MGA: variants seen among roughly 807,000 people sequenced by gnomAD.
MGA encodes MAX gene-associated protein.
MGA carries 40 observed loss-of-function variants against 261.1 expected under a neutral mutation model. The ratio of observed to expected loss-of-function variants is 0.15; its 90% CI spans 0.12 to 0.20. MGA has a LOEUF of 0.20. Among genes scored for constraint, MGA ranks in the 10% least tolerant of loss-of-function variants. MGA has a pLI of 1.00. For missense variants in MGA, 3,397 were observed against 3,630.5 expected (o/e 0.94, Z 1.65); for synonymous variants, 1,302 against 1,290.6 (o/e 1.01, Z -0.19).
At chr15:41,753,014 A>G (rs559518003) in intron 17 of MGA, among the ~76,000 whole-genome samples, 12 of 152,322 alleles carry the variant, frequency 7.9e-5, no homozygotes, top group Non-Finnish European at 1.3e-4. Context: ...TCTCACACCT[A>G]CGTTACCTTT....
At chr15:41,644,526 C>T (rs1212437977) in intron 1 of MGA, among the ~76,000 whole-genome samples, 2 of 151,746 alleles carry the variant, frequency 1.3e-5, no homozygotes, top group African/African-American at 4.8e-5. Flanking sequence ...GCATGGTGAT[C>T]ACGCACCTGT....
intron 1 of MGA, among the ~76,000 whole-genome samples, chr15:41,629,495 A>C (rs2056540660): frequency 1.3e-5 from 2 of 152,118 alleles, no homozygotes; most frequent in South Asian, 4.1e-4. Flanking sequence ...TTGGGATGTC[A>C]TCGATACATT....
Position 41,660,526 on chromosome 15 carries a change from G to GT in MGA, c.-68+2dup, listed in dbSNP as rs2057319205. ...GGTGAGGCCGGCCACGCCCCGCACG[G>GT]TAACTCTCGGGCCTGGGTGGAGGGC... is the stretch of plus-strand genomic sequence containing the variant. On this transcript the variant is annotated splice_donor_variant, in intron 1 of 23. Transcript: ENST00000219905. LOFTEE classifies it low-confidence loss of function (5UTR_SPLICE). The GT allele has an allele frequency of 6.5e-6, 1 of 153,088 alleles. No individual in the cohort carries two copies. Among genetic ancestry groups the GT allele is most frequent in the Non-Finnish European group, 1.5e-5 (1 of 68,400 alleles). 9.5% of individuals were successfully genotyped at this position (153,088 alleles called of 1,614,324 possible).
At chr15:41,726,294 A>G (rs562576816) in intron 9 of MGA, among the ~76,000 whole-genome samples, 2 of 152,346 alleles carry the variant, frequency 1.3e-5, no homozygotes, top group East Asian at 3.9e-4. Flanking sequence ...TACCATGGGA[A>G]TGATACCTAC....
intron 1 of MGA, among the ~76,000 whole-genome samples, chr15:41,639,824 A>G (rs1384372001): frequency 2.0e-5 from 3 of 152,164 alleles, no homozygotes; most frequent in Non-Finnish European, 2.9e-5. Context: ...CTGGGATTAC[A>G]GGCGTGAGCC....
Position 41,749,435 on chromosome 15 carries a change from G to T in MGA, c.5828G>T (p.Ser1943Ile). 1 of 1,614,016 alleles carries T rather than the reference G, an allele frequency of 6.2e-7. No homozygotes were observed. Among genetic ancestry groups the T allele is most frequent in the Non-Finnish European group, 8.5e-7 (1 of 1,179,902 alleles). ...AGTCTTATTCCTCTCCAGTCTGGTA[G>T]TTTTGCCTTGTTACAGCTCCCAGGA... Residue 1943 changes from serine to isoleucine, a missense_variant, in exon 17 of 24, where the codon AGT becomes ATT. Ser to Ile is a moderately radical substitution (Grantham distance 142). Transcript: ENST00000219905.
At chr15:41,656,393 G>C (rs1168531734), upstream of MGA, among the ~76,000 whole-genome samples, 3 of 69,104 alleles carry the variant, frequency 4.3e-5, no homozygotes, top group Non-Finnish European at 1.1e-4. Flanking sequence ...CCAGGCTGGA[G>C]TGCAGTGGCA....
chr15:41,659,169 A>C (rs775455322), upstream of MGA, among the ~76,000 whole-genome samples: 1 of 152,196 alleles, frequency 6.6e-6, no homozygotes, highest in Non-Finnish European at 1.5e-5. Context: ...AGAAGTCTCT[A>C]AAGTAGCCTA....
At chr15:41,637,864 CCTT>C (rs763738051) in intron 1 of MGA, among the ~76,000 whole-genome samples, 12 of 150,520 alleles carry the variant, frequency 8.0e-5, no homozygotes, top group Non-Finnish European at 1.6e-4. Context: ...CCTGCCTCAG[CCTT>C]CTGAGTAGCT....
intron 1 of MGA, among the ~76,000 whole-genome samples, chr15:41,627,513 C>T (rs957029757): frequency 6.6e-6 from 1 of 152,184 alleles, no homozygotes; most frequent in Non-Finnish European, 1.5e-5. Flanking sequence ...ACATGATTGT[C>T]ACTATTGATG....
At position 41,749,301 on chromosome 15, in the gene MGA, T is replaced by C; in HGVS notation, c.5694T>C (p.Gly1898=). 1 of 1,614,018 alleles carries C rather than the reference T, an allele frequency of 6.2e-7. No individual in the cohort carries two copies. Among genetic ancestry groups the C allele is most frequent in the South Asian group, 1.1e-5 (1 of 91,086 alleles). ...GAGCTAGTTTTGTGTCTCAGGCTGGTACATTGACCCTGAGGATTTCTCCTC... is the reference window on the plus strand; with the variant it reads ...GAGCTAGTTTTGTGTCTCAGGCTGGCACATTGACCCTGAGGATTTCTCCTC... Residue 1898 remains glycine (G), a synonymous_variant, in exon 17 of 24, where the codon GGT becomes GGC. Coordinates refer to ENST00000219905, the MANE Select transcript of MGA (RefSeq NM_001164273.2).
chr15:41,757,181 C>T (rs890946486), intron 18 of MGA, among the ~76,000 whole-genome samples: 6 of 151,982 alleles, frequency 3.9e-5, no homozygotes, highest in Admixed American at 1.3e-4. Context: ...TCCTCCTTCA[C>T]GGATGGGAAG....
At chr15:41,689,458 G>T (rs2059151166) in intron 2 of MGA, among the ~76,000 whole-genome samples, 1 of 149,494 alleles carries the variant, frequency 6.7e-6, no homozygotes, top group African/African-American at 2.5e-5. Flanking sequence ...AAAAAAGTCA[G>T]TAGTCATTTA....
At chr15:41,656,030 G>A (rs757279218), upstream of MGA, among the ~76,000 whole-genome samples, 1 of 152,134 alleles carries the variant, frequency 6.6e-6, no homozygotes, top group Non-Finnish European at 1.5e-5. Flanking sequence ...GGAATAGAGT[G>A]GAGCTAATGG....
Position 41,749,869 on chromosome 15 carries a change from A to T in MGA, c.6262A>T (p.Thr2088Ser). 6.2e-7 allele frequency: 1 copy of T among 1,613,966 alleles called. No homozygotes were observed. Among genetic ancestry groups the T allele is most frequent in the South Asian group, 1.1e-5 (1 of 91,084 alleles). Reference sequence around the variant, plus strand: ...AAAAGTGGCTGTTCTGGAAGTTAGGACCATTTCTGAAAAAGCCAGTAATAA... The same window carrying T: ...AAAAGTGGCTGTTCTGGAAGTTAGGTCCATTTCTGAAAAAGCCAGTAATAA... The change falls in exon 17 of 24, where the codon ACC becomes TCC. Residue 2088 changes from threonine (T) to serine (S), a missense_variant. Around this residue, in one of 9 missense-constraint regions of MGA, gnomAD observed 1,410 missense variants for 1,386.4 expected, o/e 1.02. Coordinates refer to ENST00000219905, the MANE Select transcript of MGA (RefSeq NM_001164273.2).
At chr15:41,679,749 T>G (rs781202937) in intron 2 of MGA, among the ~76,000 whole-genome samples, 9 of 152,192 alleles carry the variant, frequency 5.9e-5, no homozygotes, top group South Asian at 2.1e-4. Context: ...TGCGTTTTTT[T>G]TGTGTGTATA....
rs944632732 is a variant in MGA at position 41,705,064 on chromosome 15, C to T, written c.2189-2664C>T. Reference sequence around the variant, plus strand: ...ATATAAAAAGATAATAGGTTTTTCACAATATGCTTTCTATGAATTATTCAG... The same window carrying T: ...ATATAAAAAGATAATAGGTTTTTCATAATATGCTTTCTATGAATTATTCAG... On this transcript the variant is annotated intron_variant, in intron 5 of 23. Transcript: ENST00000219905. 3.3e-5 allele frequency among the ~76,000 whole-genome samples: 5 copies of T among 152,282 alleles called. No homozygotes were observed. The South Asian group carries it at 8.3e-4, about 25-fold the overall frequency.
intron 2 of MGA, among the ~76,000 whole-genome samples, chr15:41,692,743 ACT>A (rs1321616283): frequency 2.0e-5 from 3 of 151,908 alleles, no homozygotes; most frequent in Non-Finnish European, 4.4e-5. Flanking sequence ...ACGGAGTCTC[ACT>A]CTGTCACCCA....
upstream of MGA, among the ~76,000 whole-genome samples, chr15:41,659,208 A>T (rs940824532): frequency 6.6e-6 from 1 of 152,208 alleles, no homozygotes; most frequent in Non-Finnish European, 1.5e-5. Context: ...CTATTCCAGC[A>T]GTTTCTGTCA....
Sources: allele counts gnomAD v4.1 joint callset (sites outside exome capture counted in the v4.1 genomes callset), GRCh38; gene constraint gnomAD v4.1.1; regional missense constraint gnomAD v4.1.1; transcripts MANE v1.5; gene names NCBI Gene and HGNC (gene_info 2026-07-23, HGNC 2026-07-21).